Variants in PCDHA3 observed in about 807,000 individuals in gnomAD.
The protein encoded by PCDHA3 is protocadherin alpha-3.
A neutral mutation model predicts 62.2 loss-of-function variants in PCDHA3; 41 were observed. That is an observed-to-expected ratio of 0.66 (90% confidence interval 0.51 to 0.86). The LOEUF (loss-of-function observed/expected upper bound fraction) is 0.86, where lower values mean the gene tolerates loss of function less well. Among genes scored for constraint, PCDHA3 ranks in the 40% least tolerant of loss-of-function variants. The pLI, the probability that PCDHA3 is intolerant of heterozygous loss-of-function variation, is 0.00. For missense variants in PCDHA3, 1,304 were observed against 1,241.2 expected, an observed-to-expected ratio of 1.05 and a Z score of -0.76; for synonymous variants, 640 against 555.4, an observed-to-expected ratio of 1.15 and a Z score of -2.14.
intron 1 of PCDHA3, among the ~76,000 whole-genome samples, chr5:140,976,855 G>A (rs946538789): frequency 9.9e-5 from 15 of 152,142 alleles, no homozygotes; most frequent in Non-Finnish European, 1.5e-4. Flanking sequence ...CTTTCATAGA[G>A]TTTACTGTCT....
At chr5:140,821,730 T>G in intron 1 of PCDHA3, 3 of 1,514,520 alleles carry the variant, frequency 2.0e-6, no homozygotes, top group African/African-American at 1.4e-5. Context: ...ACAAAATACA[T>G]TGTGTGGTGA....
intron 1 of PCDHA3, among the ~76,000 whole-genome samples, chr5:140,893,497 G>GA (rs1157700367): frequency 4.1e-4 from 62 of 150,170 alleles, no homozygotes; most frequent in African/African-American, 1.2e-3. Context: ...TCACAAAAAA[G>GA]AAAAAAAAAG....
chr5:140,814,848 C>G (rs1554126621), intron 1 of PCDHA3: 1 of 152,052 alleles, frequency 6.6e-6, no homozygotes, highest in African/African-American at 2.4e-5. Flanking sequence ...TGAATGTTTG[C>G]CTCATATATT....
intron 1 of PCDHA3, chr5:140,876,486 G>T (rs2153341413): frequency 6.2e-7 from 1 of 1,614,014 alleles, no homozygotes; most frequent in Non-Finnish European, 8.5e-7. Context: ...TGGTCCTGGT[G>T]GAAGTTCTGG....
chr5:140,975,099 A>G (rs540357854), intron 1 of PCDHA3, among the ~76,000 whole-genome samples: 1 of 152,152 alleles, frequency 6.6e-6, no homozygotes, highest in Non-Finnish European at 1.5e-5. Flanking sequence ...TTGTTTGGGG[A>G]CTGAGATCTC....
intron 1 of PCDHA3, among the ~76,000 whole-genome samples, chr5:140,941,369 T>C (rs2093052615): frequency 6.8e-6 from 1 of 147,356 alleles, no homozygotes; most frequent in Non-Finnish European, 1.5e-5. Context: ...TAGGCTGGAG[T>C]GTAGTGACAG....
At chr5:140,908,429 G>A (rs575934093) in intron 1 of PCDHA3, among the ~76,000 whole-genome samples, 1 of 152,280 alleles carries the variant, frequency 6.6e-6, no homozygotes, top group African/African-American at 2.4e-5. Flanking sequence ...ATGCTGCTGT[G>A]CGCACCCCAC....
intron 1 of PCDHA3, chr5:140,841,201 C>A: frequency 7.7e-7 from 1 of 1,296,960 alleles, no homozygotes; most frequent in South Asian, 1.5e-5. Flanking sequence ...TCTCTGACAG[C>A]ATCTGTCTCT....
intron 1 of PCDHA3, chr5:140,821,497 C>A: frequency 3.2e-6 from 1 of 315,434 alleles, no homozygotes; most frequent in Non-Finnish European, 5.8e-6. Context: ...GAAATATTGA[C>A]GAATATAAGC....
At chr5:140,928,475 G>A (rs369473809) in intron 1 of PCDHA3, 1 of 1,614,136 alleles carries the variant, frequency 6.2e-7, no homozygotes, top group African/African-American at 1.3e-5. Context: ...GTAGAAGGCC[G>A]GGATGGTGGC....
intron 1 of PCDHA3, chr5:140,867,897 T>C (rs1402943903): frequency 6.6e-6 from 1 of 152,136 alleles, no homozygotes; most frequent in East Asian, 1.9e-4. Flanking sequence ...ATCAGGTACT[T>C]ACAGAAGGTA....
intron 1 of PCDHA3, among the ~76,000 whole-genome samples, chr5:140,931,548 G>C (rs2087590460): frequency 6.6e-6 from 1 of 151,968 alleles, no homozygotes; most frequent in African/African-American, 2.4e-5. Flanking sequence ...CTGTTCATAT[G>C]TGCAGGAATA....
Position 140,856,096 on chromosome 5 carries a change from G to C in PCDHA3, c.2394+52505G>C, listed in dbSNP as rs1031755500. The C allele has an allele frequency of 1.1e-5, 17 of 1,597,460 alleles. 1 individual carries two copies. The Admixed American group carries it at 2.5e-4, about 24-fold the overall frequency. On this transcript the variant is annotated intron_variant, in intron 1 of 3. Coordinates refer to ENST00000522353, the MANE Select transcript of PCDHA3 (RefSeq NM_018906.3). Reference sequence around the variant, plus strand: ...TGGGGGTCCAGTGTCTGCTGCTCTCGCTTCTTCTCCTCGCAGCCTGGGAGG... The same window carrying C: ...TGGGGGTCCAGTGTCTGCTGCTCTCCCTTCTTCTCCTCGCAGCCTGGGAGG...
intron 1 of PCDHA3, chr5:140,875,557 G>A (rs2055595805): frequency 6.2e-7 from 1 of 1,613,946 alleles, no homozygotes; most frequent in Non-Finnish European, 8.5e-7. Flanking sequence ...GGTGGGGAGC[G>A]GCCAGCTCCA....
chr5:140,823,307 C>T lies in PCDHA3; in HGVS notation c.2394+19716C>T, dbSNP rs1581794358. ...CTGTCGAGTTACGTTTCGGTGCACG[C>T]GGAGAGCGGCAAGGTGTACGCGCTG... On this transcript the variant is annotated intron_variant, in intron 1 of 3. Transcript: ENST00000522353. 7 of 1,612,266 alleles carry T rather than the reference C, an allele frequency of 4.3e-6. No homozygotes were observed. In the East Asian group the frequency reaches 8.9e-5, roughly 21 times the overall value.
Position 140,869,807 on chromosome 5 carries a change from T to C in PCDHA3, c.2394+66216T>C, listed in dbSNP as rs545569437. ...CGGCTGTTAGTCCAAGTCTTGGATGTCAACGACAATGATCCAGAGTTTGAT... is the reference window on the plus strand; with the variant it reads ...CGGCTGTTAGTCCAAGTCTTGGATGCCAACGACAATGATCCAGAGTTTGAT... On this transcript the variant is annotated intron_variant, in intron 1 of 3. Transcript: ENST00000522353. 8.1e-6 allele frequency: 13 copies of C among 1,612,544 alleles called. No individual in the cohort carries two copies. In the African/African-American group the frequency reaches 1.6e-4, roughly 20 times the overall value.
At chr5:140,814,921 C>T (rs1338583104) in intron 1 of PCDHA3, 3 of 152,148 alleles carry the variant, frequency 2.0e-5, no homozygotes, top group Middle Eastern at 3.4e-3. Context: ...GTGAATTGAC[C>T]TTTTATCATT....
chr5:140,893,388 CATG>C (rs2063965035), intron 1 of PCDHA3, among the ~76,000 whole-genome samples: 1 of 152,132 alleles, frequency 6.6e-6, no homozygotes, highest in South Asian at 2.1e-4. Context: ...GACAGTGGCT[CATG>C]CCTGTAATCC....
At chr5:140,836,468 T>G (rs1227457835) in intron 1 of PCDHA3, 1 of 1,613,696 alleles carries the variant, frequency 6.2e-7, no homozygotes, top group African/African-American at 1.3e-5. Flanking sequence ...AGCTGGTGGA[T>G]GTCAACGTGT....
Sources: gnomAD v4.1 joint callset for allele counts (sites outside exome capture counted in the v4.1 genomes callset) on GRCh38, gnomAD v4.1.1 for gene constraint, MANE v1.5 for transcripts, NCBI Gene and HGNC (gene_info 2026-07-23, HGNC 2026-07-21) for gene names.